The following VPS13B variants were observed in gnomAD, a reference collection of about 807,000 sequenced individuals.
The protein encoded by VPS13B is intermembrane lipid transfer protein VPS13B.
VPS13B carries 285 observed loss-of-function variants against 426.4 expected under a neutral mutation model. That is an observed-to-expected ratio of 0.67 (90% CI 0.61 to 0.74). The LOEUF (loss-of-function observed/expected upper bound fraction) is 0.74. Among genes scored for constraint, VPS13B ranks in the 30% least tolerant of loss-of-function variants. The pLI, the probability that VPS13B is intolerant of heterozygous loss-of-function variation, is 0.00. For missense variants in VPS13B, 4,537 were observed against 4,782.6 expected (o/e 0.95, Z 1.51); for synonymous variants, 1,676 against 1,676.4 (o/e 1.00, Z 0.01).
intron 3 of VPS13B, 113 bp downstream of exon 3, chr8:99,038,679 C>CTTTT (rs34774482): frequency 1.5e-4 from 26 of 168,674 alleles, no homozygotes; most frequent in Non-Finnish European, 2.0e-4. Context: ...AGCTTATATA[C>CTTTT]TTTTTTTTTT....
intron 27 of VPS13B, among the ~76,000 whole-genome samples, chr8:99,504,706 A>G (rs1036286463): frequency 1.3e-5 from 2 of 152,226 alleles, no homozygotes; most frequent in African/African-American, 2.4e-5. Flanking sequence ...GGAGAAGAGT[A>G]GATTTAACAA....
intron 33 of VPS13B, among the ~76,000 whole-genome samples, chr8:99,581,459 C>G (rs1429291550): frequency 6.6e-6 from 1 of 152,102 alleles, no homozygotes; most frequent in African/African-American, 2.4e-5. Flanking sequence ...TATTTTTGCT[C>G]TGAAAAATGT....
intron 33 of VPS13B, among the ~76,000 whole-genome samples, chr8:99,604,738 C>A (rs2133863974): frequency 6.6e-6 from 1 of 152,152 alleles, no homozygotes; most frequent in Non-Finnish European, 1.5e-5. Flanking sequence ...GATCCACCCG[C>A]CTCGGCCCCC....
chr8:99,193,728 A>T (rs951565657), intron 17 of VPS13B, among the ~76,000 whole-genome samples: 3 of 152,270 alleles, frequency 2.0e-5, no homozygotes, highest in Admixed American at 1.3e-4. Context: ...GTTAAAATAA[A>T]GCGACTTTTG....
chr8:99,773,712 T>C (rs1162470876), intron 40 of VPS13B, among the ~76,000 whole-genome samples: 2 of 152,178 alleles, frequency 1.3e-5, no homozygotes, highest in Non-Finnish European at 2.9e-5. Flanking sequence ...ATTTGAGAGG[T>C]CTTGCTTCCA....
chr8:99,742,754 G>C (rs1349521902), intron 39 of VPS13B, among the ~76,000 whole-genome samples: 2 of 152,096 alleles, frequency 1.3e-5, no homozygotes, highest in East Asian at 1.9e-4. Context: ...ATGCAGAAAA[G>C]GCCTTTGACA....
intron 35 of VPS13B, among the ~76,000 whole-genome samples, chr8:99,669,665 C>A (rs1036904018): frequency 1.3e-5 from 2 of 152,086 alleles, no homozygotes; most frequent in Non-Finnish European, 2.9e-5. Flanking sequence ...AATAGAATCA[C>A]TTCTTTAGTC....
At chr8:99,028,347 CCCCCCA>C (rs1842253076) in intron 2 of VPS13B, among the ~76,000 whole-genome samples, 8 of 150,084 alleles carry the variant, frequency 5.3e-5, no homozygotes, top group African/African-American at 2.0e-4. Flanking sequence ...GGGGGCTGAC[CCCCCCA>C]CCTCCCTCCC....
At chr8:99,128,687 G>GGTATAGGTATTATTCCAGGCAACTT (rs566821906) in intron 8 of VPS13B, among the ~76,000 whole-genome samples, 4,397 of 152,004 alleles carry the variant, frequency 0.029, 96 homozygotes, top group South Asian at 0.062. Flanking sequence ...TTGAAATAGT[G>GGTATAGGTATTATTCCAGGCAACTT]GTATAGGTAT....
chr8:99,406,513 CAGA>C (rs1370434034), intron 21 of VPS13B, among the ~76,000 whole-genome samples: 2 of 152,094 alleles, frequency 1.3e-5, no homozygotes, highest in Non-Finnish European at 2.9e-5. Context: ...ATCAAATATT[CAGA>C]AGGAGTTAGC....
intron 14 of VPS13B, among the ~76,000 whole-genome samples, chr8:99,149,478 C>T (rs534869366): frequency 3.3e-5 from 5 of 152,158 alleles, no homozygotes; most frequent in East Asian, 1.9e-4. Context: ...CCACCACGCC[C>T]GACTAATTTT....
intron 31 of VPS13B, among the ~76,000 whole-genome samples, chr8:99,563,683 A>G (rs1353970267): frequency 1.3e-5 from 2 of 152,206 alleles, no homozygotes; most frequent in Non-Finnish European, 2.9e-5. Context: ...CAGAGGCTAG[A>G]AGTATGAAAG....
At chr8:99,625,327 G>C (rs1218772816) in intron 33 of VPS13B, among the ~76,000 whole-genome samples, 1 of 152,122 alleles carries the variant, frequency 6.6e-6, no homozygotes, top group Admixed American at 6.5e-5. Flanking sequence ...TTAAAAGTGG[G>C]ATGGGTGGGA....
At chr8:99,384,350 C>A (rs762851364) in intron 20 of VPS13B, 33 bp downstream of exon 20, 2 of 1,537,044 alleles carry the variant, frequency 1.3e-6, no homozygotes, top group Non-Finnish European at 1.8e-6. Context: ...TTTCTGTTAA[C>A]AAATATTTTT....
At chr8:99,145,226 A>G (rs1451048396) in intron 13 of VPS13B, among the ~76,000 whole-genome samples, 2 of 152,186 alleles carry the variant, frequency 1.3e-5, no homozygotes, top group African/African-American at 2.4e-5. Context: ...GGAAGTTATT[A>G]ACTTATTATT....
intron 21 of VPS13B, among the ~76,000 whole-genome samples, chr8:99,430,404 A>G (rs1477008928): frequency 6.6e-6 from 1 of 152,138 alleles, no homozygotes; most frequent in Admixed American, 6.6e-5. Context: ...ATGCTACTTT[A>G]TAAGTACCTA....
chr8:99,696,571 C>T (rs1832013575), intron 35 of VPS13B: 1 of 535,610 alleles, frequency 1.9e-6, no homozygotes, highest in Non-Finnish European at 3.5e-6. Context: ...AGCATGCCAG[C>T]ATCCACGTTT....
At chr8:99,108,167 G>C (rs1363406347) in intron 5 of VPS13B, among the ~76,000 whole-genome samples, 2 of 152,152 alleles carry the variant, frequency 1.3e-5, no homozygotes, top group African/African-American at 2.4e-5. Flanking sequence ...TTGCTGCAAA[G>C]GACATGATTT....
At chr8:99,473,944 A>C (rs781045733) in intron 24 of VPS13B, among the ~76,000 whole-genome samples, 1 of 152,166 alleles carries the variant, frequency 6.6e-6, no homozygotes, top group African/African-American at 2.4e-5. Context: ...AAAGATATCT[A>C]AGACCTCTAT....
Sources: gnomAD v4.1 joint callset for allele counts (sites outside exome capture counted in the v4.1 genomes callset) on GRCh38, gnomAD v4.1.1 for gene constraint, MANE v1.5 for transcripts, NCBI Gene and HGNC (gene_info 2026-07-23, HGNC 2026-07-21) for gene names.